The following ATG7 variants were observed in gnomAD, a reference collection of about 807,000 sequenced individuals.
ATG7 encodes ubiquitin-like modifier-activating enzyme ATG7.
A neutral mutation model predicts 82.4 loss-of-function variants in ATG7; 70 were observed. That is an observed-to-expected ratio of 0.85 (90% CI 0.70 to 1.04). The LOEUF is 1.04. Ranked by LOEUF, ATG7 falls within the 50% of genes least tolerant of loss-of-function variation. The pLI is 0.00. For synonymous variants in ATG7, 287 were observed against 313.0 expected, an observed-to-expected ratio of 0.92 and a Z score of 0.88; for missense variants, 792 against 864.3, an observed-to-expected ratio of 0.92 and a Z score of 1.05.
At chr3:11,535,714 C>T (rs1400512983) in intron 20 of ATG7, among the ~76,000 whole-genome samples, 5 of 152,134 alleles carry the variant, frequency 3.3e-5, no homozygotes, top group Non-Finnish European at 7.4e-5. Flanking sequence ...GAAGCGGGGG[C>T]GTGCGCTGGG....
chr3:11,430,297 C>T (rs532851984), intron 20 of ATG7, among the ~76,000 whole-genome samples: 1 of 152,122 alleles, frequency 6.6e-6, no homozygotes, highest in South Asian at 2.1e-4. Context: ...TGTGTATGCG[C>T]ATATAAGCAA....
chr3:11,492,822 G>GC (rs1390808242), intron 20 of ATG7, among the ~76,000 whole-genome samples: 1 of 152,250 alleles, frequency 6.6e-6, no homozygotes, highest in Non-Finnish European at 1.5e-5. Flanking sequence ...GAACTGACTG[G>GC]CCACTTTGGT....
chr3:11,284,183 C>T (rs1035913353), intron 3 of ATG7, among the ~76,000 whole-genome samples: 1 of 152,010 alleles, frequency 6.6e-6, no homozygotes, highest in African/African-American at 2.4e-5. Flanking sequence ...TTAAAAAATC[C>T]TGTATTTCTT....
At chr3:11,463,851 T>C (rs1046138885) in intron 20 of ATG7, among the ~76,000 whole-genome samples, 2 of 152,126 alleles carry the variant, frequency 1.3e-5, no homozygotes, top group African/African-American at 4.8e-5. Context: ...GCTCTCTTGC[T>C]CATTTTGGGA....
intron 18 of ATG7, among the ~76,000 whole-genome samples, chr3:11,377,072 G>T (rs2077474159): frequency 6.6e-6 from 1 of 152,134 alleles, no homozygotes; most frequent in Non-Finnish European, 1.5e-5. Flanking sequence ...ATAGGGAGTG[G>T]GTAAAAAATG....
intron 19 of ATG7, among the ~76,000 whole-genome samples, chr3:11,420,824 C>T (rs1476301698): frequency 2.7e-5 from 4 of 147,004 alleles, no homozygotes; most frequent in East Asian, 2.0e-4. Flanking sequence ...GGCGCGATCT[C>T]GGCTCACTGC....
chr3:11,574,667 G>A, the ATG7 span, among the ~76,000 whole-genome samples: 1 of 152,114 alleles, frequency 6.6e-6, no homozygotes, highest in Non-Finnish European at 1.5e-5. Context: ...CCAGCACAAA[G>A]AAACGATTAA....
intron 20 of ATG7, among the ~76,000 whole-genome samples, chr3:11,437,243 G>T (rs1576405887): frequency 6.6e-6 from 1 of 152,200 alleles, no homozygotes; most frequent in East Asian, 1.9e-4. Context: ...TGTAGATTAT[G>T]ACAAGGATCT....
chr3:11,332,030 A>T (rs764679399), intron 10 of ATG7, among the ~76,000 whole-genome samples: 18 of 152,366 alleles, frequency 1.2e-4, no homozygotes, highest in Non-Finnish European at 2.4e-4. Context: ...ACTCTCAAGT[A>T]TATTACTCAC....
intron 20 of ATG7, among the ~76,000 whole-genome samples, chr3:11,521,954 G>T (rs1025139430): frequency 1.3e-5 from 2 of 152,160 alleles, no homozygotes; most frequent in African/African-American, 4.8e-5. Context: ...TACTGGTATG[G>T]CACTCAACTC....
At chr3:11,405,521 C>T (rs2080242805) in intron 19 of ATG7, among the ~76,000 whole-genome samples, 1 of 152,168 alleles carries the variant, frequency 6.6e-6, no homozygotes, top group African/African-American at 2.4e-5. Flanking sequence ...ACTATTTTTG[C>T]TGACATTGCT....
intron 3 of ATG7, among the ~76,000 whole-genome samples, chr3:11,287,412 A>G (rs1008957422): frequency 9.2e-5 from 14 of 152,124 alleles, no homozygotes; most frequent in African/African-American, 3.4e-4. Context: ...TTTCAGACAG[A>G]GGGGCTGTGA....
chr3:11,474,812 C>G (rs2087943973), intron 20 of ATG7, among the ~76,000 whole-genome samples: 1 of 152,064 alleles, frequency 6.6e-6, no homozygotes, highest in Admixed American at 6.6e-5. Context: ...GCGGAGGGAA[C>G]ATCCCATGTG....
At chr3:11,287,251 G>A (rs1340419410) in intron 3 of ATG7, among the ~76,000 whole-genome samples, 1 of 152,210 alleles carries the variant, frequency 6.6e-6, no homozygotes, top group Non-Finnish European at 1.5e-5. Context: ...AGAGCCAGGA[G>A]TGATTAAATA....
At chr3:11,390,749 T>TA (rs2078733460) in intron 19 of ATG7, among the ~76,000 whole-genome samples, 1 of 64,950 alleles carries the variant, frequency 1.5e-5, no homozygotes, top group Non-Finnish European at 4.4e-5. Flanking sequence ...AGGAAATTTT[T>TA]AAAAAACTGC....
chr3:11,575,237 C>T, the ATG7 span, among the ~76,000 whole-genome samples: 16 of 152,152 alleles, frequency 1.1e-4, no homozygotes, highest in South Asian at 2.1e-4. Context: ...GGAAGGCGGC[C>T]GCACTGAGTG....
intron 20 of ATG7, among the ~76,000 whole-genome samples, chr3:11,519,557 T>G (rs1016420864): frequency 4.1e-4 from 41 of 100,884 alleles, no homozygotes; most frequent in Non-Finnish European, 6.2e-4. Context: ...TTTTTTTTTT[T>G]TTTTTTTTTT....
In ATG7 at chr3:11,273,095, T is replaced by G. The variant is rs1341815686; in HGVS notation, c.-366+665T>G. On this transcript the variant is annotated intron_variant, in intron 1 of 20. Transcript: ENST00000693202. ...CGTGTGTGTGTGCACGTGCGTGCAG[T>G]TTCCTGATTTTTAAACACTGGCGAC... Among the ~76,000 whole-genome samples the G allele has an allele frequency of 2.0e-5, 3 of 152,368 alleles. No individual in the cohort carries two copies. In the East Asian group the frequency reaches 5.8e-4, roughly 29 times the overall value.
intron 5 of ATG7, among the ~76,000 whole-genome samples, chr3:11,305,008 C>A (rs141655516): frequency 6.6e-6 from 1 of 152,162 alleles, no homozygotes. Context: ...TCCATCCCCC[C>A]TCCTCCATAC....
Sources: gnomAD v4.1 joint callset for allele counts (sites outside exome capture counted in the v4.1 genomes callset) on GRCh38, gnomAD v4.1.1 for gene constraint, MANE v1.5 for transcripts, NCBI Gene and HGNC (gene_info 2026-07-23, HGNC 2026-07-21) for gene names.